EPHB2: variants seen among roughly 807,000 people sequenced by gnomAD.
EPHB2 encodes the protein EPH receptor B2, also known as ephrin type-B receptor 2.
EPHB2 carries 18 observed loss-of-function variants against 96.4 expected under a neutral mutation model. That is an observed-to-expected ratio of 0.19 (90% CI 0.13 to 0.28). EPHB2 has a LOEUF of 0.28. Among genes scored for constraint, EPHB2 ranks in the 10% least tolerant of loss-of-function variants. The probability of loss-of-function intolerance (pLI) is 1.00; values close to 1 mark genes in which losing one functional copy is unlikely to be tolerated. For synonymous variants in EPHB2, 506 were observed against 534.1 expected (o/e 0.95, Z 0.72); for missense variants, 989 against 1,355.4 (o/e 0.73, Z 4.25).
In EPHB2 at chr1:22,906,258, G is replaced by T. The variant is rs1261131856; in HGVS notation, c.1888+149G>T. 1.5e-6 allele frequency: 2 copies of T among 1,290,526 alleles called. No individual in the cohort carries two copies. Among genetic ancestry groups the T allele is most frequent in the African/African-American group, 2.9e-5 (2 of 67,908 alleles). 79.9% of individuals were successfully genotyped at this position (1,290,526 alleles called of 1,614,324 possible). A position where few individuals can be genotyped will look rare whatever the true frequency, so the allele number is the denominator to read the frequency against. On this transcript the variant is annotated intron_variant, in intron 10 of 15. Coordinates refer to ENST00000374630, the MANE Select transcript of EPHB2 (RefSeq NM_017449.5). The surrounding 1 kb of genome is among the most constrained non-coding windows in gnomAD (Gnocchi z 4.8). ...CTGAAGGTTCAGAATGACCATGAAA[G>T]AAGGGCCCTCAAAGGTCATCCAGTA...
At chr1:22,866,643 A>G (rs1340594018) in intron 5 of EPHB2, among the ~76,000 whole-genome samples, 1 of 152,058 alleles carries the variant, frequency 6.6e-6, no homozygotes, top group Non-Finnish European at 1.5e-5. Flanking sequence ...TGAAAGAGAG[A>G]GGGCAACTGG....
intron 1 of EPHB2, among the ~76,000 whole-genome samples, chr1:22,744,761 C>A (rs926778418): frequency 1.4e-4 from 20 of 147,644 alleles, no homozygotes; most frequent in African/African-American, 5.0e-4. Context: ...GAGGCAGAGA[C>A]AGGAGGATCG....
At chr1:22,781,337 GA>G (rs1644529010) in intron 1 of EPHB2, 83 bp from the exon 2 acceptor site, 1 of 918,278 alleles carries the variant, frequency 1.1e-6, no homozygotes, top group Non-Finnish European at 1.6e-6. Flanking sequence ...AAAAAAAAAA[GA>G]AGAAGAAGGA....
intron 5 of EPHB2, among the ~76,000 whole-genome samples, chr1:22,877,605 A>G (rs2148544031): frequency 6.6e-6 from 1 of 152,214 alleles, no homozygotes; most frequent in East Asian, 1.9e-4. Flanking sequence ...TCTGAGCTCC[A>G]GGGCCGTATA....
At chr1:22,735,037 A>G (rs1478160149) in intron 1 of EPHB2, among the ~76,000 whole-genome samples, 1 of 152,122 alleles carries the variant, frequency 6.6e-6, no homozygotes, top group Admixed American at 6.5e-5. Context: ...GACACTGACT[A>G]AGGCTGCACA....
At chr1:22,877,698 T>C (rs539952511) in intron 5 of EPHB2, among the ~76,000 whole-genome samples, 14 of 152,316 alleles carry the variant, frequency 9.2e-5, no homozygotes, top group Admixed American at 7.2e-4. Flanking sequence ...GTGGATCATA[T>C]ACTAGACCAG....
chr1:22,858,273 G>C lies in EPHB2; in HGVS notation c.812-4764G>C, dbSNP rs910556403. Among the ~76,000 whole-genome samples, 1 of 152,186 alleles carries C rather than the reference G, an allele frequency of 6.6e-6. No individual in the cohort carries two copies. Among genetic ancestry groups the C allele is most frequent in the Non-Finnish European group, 1.5e-5 (1 of 68,030 alleles). On this transcript the variant is annotated intron_variant, in intron 3 of 15. Coordinates refer to ENST00000374630, the MANE Select transcript of EPHB2 (RefSeq NM_017449.5). This position sits in a 1 kb window ranked among gnomAD's most constrained non-coding sequence, Gnocchi z 7.7. ...GGAGACCATCAGGACCAACCTCACAGGCCTTGTAGCCAGGCTAGGCATGTG... is the reference window on the plus strand; with the variant it reads ...GGAGACCATCAGGACCAACCTCACACGCCTTGTAGCCAGGCTAGGCATGTG...
intron 3 of EPHB2, among the ~76,000 whole-genome samples, chr1:22,852,804 G>A (rs570345367): frequency 1.8e-4 from 28 of 152,364 alleles, no homozygotes; most frequent in Admixed American, 1.8e-3. Flanking sequence ...AGCCGTTATG[G>A]AGCATCTGCT....
chr1:22,910,541 A>G lies in EPHB2; in HGVS notation c.2662A>G (p.Asn888Asp). The part of the protein sequence containing the change: ...NTLDKMIRNP[N>D]SLKAMAPLSS... ...GCTAGACAAGATGATCCGCAATCCC[A>G]ACAGCCTCAAAGCCATGGCGCCCCT... Residue 888 changes from asparagine (N) to aspartate (D), a missense_variant, in exon 14 of 16, where the codon AAC becomes GAC. Transcript: ENST00000374630. 1 of 1,612,732 alleles carries G rather than the reference A, an allele frequency of 6.2e-7. No homozygotes were observed.
intron 6 of EPHB2, among the ~76,000 whole-genome samples, chr1:22,890,722 C>T (rs945252472): frequency 6.6e-6 from 1 of 152,164 alleles, no homozygotes; most frequent in African/African-American, 2.4e-5. Flanking sequence ...AATTGAATCA[C>T]GGGGGTGGTT....
In EPHB2 at chr1:22,864,884, C is replaced by G; in HGVS notation, c.975C>G (p.Pro325=). The G allele has an allele frequency of 1.9e-6, 3 of 1,606,516 alleles. No homozygotes were observed. The highest frequency in any genetic ancestry group is 2.5e-6 in the Non-Finnish European group (3 of 1,176,726). Residue 325 remains proline (P), a synonymous_variant, in exon 5 of 16, where the codon CCC becomes CCG. Transcript: ENST00000374630. Reference sequence around the variant, plus strand: ...ACCTCTCCCCCGCCCCAGCCATCCCCTCCGCGCCCCAGGCTGTGATTTCCA... The same window carrying G: ...ACCTCTCCCCCGCCCCAGCCATCCCGTCCGCGCCCCAGGCTGTGATTTCCA... ...DPLDMPCTTI[P]SAPQAVISSV...
At position 22,914,002 on chromosome 1, in the gene EPHB2, CAG is replaced by C. The variant is rs1018095876; in HGVS notation, c.*433_*434del. On this transcript the variant is annotated 3_prime_UTR_variant, in exon 16 of 16. Transcript: ENST00000374630. ...GAAAAACAAATGTGAAGGGGAGAGA[CAG>C]GGGCCGCCCTTGGCTCCTGTCCCTG... is the stretch of plus-strand genomic sequence containing the variant. 1.6e-6 allele frequency: 2 copies of C among 1,260,738 alleles called. No homozygotes were observed. The highest frequency in any genetic ancestry group is 1.5e-5 in the African/African-American group (1 of 65,766). 78.1% of individuals were successfully genotyped at this position (1,260,738 alleles called of 1,614,324 possible). A position where few individuals can be genotyped will look rare whatever the true frequency, so the allele number is the denominator to read the frequency against.
In EPHB2 at chr1:22,913,343, C is replaced by T; in HGVS notation, c.2853-119C>T. ...GGCTGCCTGCCCACTCCCCACTCCC[C>T]ACTCCCCAGTACTCCTTGCTTTGCC... On this transcript the variant is annotated intron_variant, in intron 15 of 15. Coordinates refer to ENST00000374630, the MANE Select transcript of EPHB2 (RefSeq NM_017449.5). This position sits in a 1 kb window ranked among gnomAD's most constrained non-coding sequence, Gnocchi z 4.1. The T allele has an allele frequency of 7.4e-7, 1 of 1,347,682 alleles. No individual in the cohort carries two copies. The highest frequency in any genetic ancestry group is 1.0e-6 in the Non-Finnish European group (1 of 964,560). 83.5% of individuals were successfully genotyped at this position (1,347,682 alleles called of 1,614,324 possible).
Position 22,784,507 on chromosome 1 carries a change from G to A in EPHB2, c.242G>A (p.Arg81His), listed in dbSNP as rs368075671. ...NWLRTKFIRR[R>H]GAHRIHVEMK... ...CTACGGACCAAGTTTATCCGGCGCC[G>A]TGGCGCCCACCGCATCCACGTGGAG... Residue 81 changes from arginine (R) to histidine (H), a missense_variant, in exon 3 of 16, where the codon CGT becomes CAT. Transcript: ENST00000374630. The surrounding 1 kb of genome is among the most constrained non-coding windows in gnomAD (Gnocchi z 5.1). 12 of 1,613,642 alleles carry A rather than the reference G, an allele frequency of 7.4e-6. No homozygotes were observed. The highest frequency in any genetic ancestry group is 5.3e-5 in the African/African-American group (4 of 75,038).
In EPHB2 at chr1:22,906,596, C is replaced by T. The variant is rs1276791330; in HGVS notation, c.1889-114C>T. On this transcript the variant is annotated intron_variant, in intron 10 of 15. Transcript: ENST00000374630. The surrounding 1 kb of genome is among the most constrained non-coding windows in gnomAD (Gnocchi z 4.8). ...TTCTGTGTCTGCAAGGATGAGTGGG[C>T]CATTGAGAAGAAAATGTACCTGCAG... 6 of 1,503,612 alleles carry T rather than the reference C, an allele frequency of 4.0e-6. No homozygotes were observed. Among genetic ancestry groups the T allele is most frequent in the Non-Finnish European group, 5.4e-6 (6 of 1,107,790 alleles). The allele number at this position is 1,503,612 out of a possible 1,614,324, so 93.1% of individuals were successfully genotyped here.
chr1:22,752,629 A>G (rs1644081672), intron 1 of EPHB2, among the ~76,000 whole-genome samples: 1 of 151,362 alleles, frequency 6.6e-6, no homozygotes, highest in African/African-American at 2.4e-5. Context: ...GAGCCTCTGA[A>G]GAAGGCCTGA....
Position 22,781,417 on chromosome 1 carries a change from A to C in EPHB2, c.62-4A>C. The C allele has an allele frequency of 1.2e-6, 2 of 1,613,416 alleles. No individual in the cohort carries two copies. ...GGGGTGGTGACTCTTTGCTCTCCCC[A>C]CAGAAACGCTAATGGACTCCACTAC... On this transcript the variant is annotated splice_region_variant and splice_polypyrimidine_tract_variant and intron_variant, in intron 1 of 15. Transcript: ENST00000374630.
chr1:22,895,695 G>A (rs891881735), intron 8 of EPHB2, 115 bp downstream of exon 8: 1 of 994,462 alleles, frequency 1.0e-6, no homozygotes, highest in Non-Finnish European at 1.5e-6. Flanking sequence ...CACAATTGCA[G>A]GGAGAGATGT....
chr1:22,788,949 T>A (rs1644653228), intron 3 of EPHB2, among the ~76,000 whole-genome samples: 1 of 152,066 alleles, frequency 6.6e-6, no homozygotes, highest in African/African-American at 2.4e-5. Flanking sequence ...GAGATGGGGT[T>A]TCACCATGTT....
Sources: allele counts gnomAD v4.1 joint callset (sites outside exome capture counted in the v4.1 genomes callset), GRCh38; gene constraint gnomAD v4.1.1; non-coding constraint Gnocchi (gnomAD v3.1); transcripts MANE v1.5; gene names NCBI Gene and HGNC (gene_info 2026-07-23, HGNC 2026-07-21).